Variants in INSL6 observed in about 807,000 individuals in gnomAD.
The protein encoded by INSL6 is insulin like 6.
A neutral mutation model predicts 9.4 loss-of-function variants in INSL6; 16 were observed. That is an observed-to-expected ratio of 1.70 (90% CI 1.15 to 2.59). The LOEUF is 2.59. INSL6 is among the 30% of genes most tolerant of loss of function. The pLI, the probability that INSL6 is intolerant of heterozygous loss-of-function variation, is 0.00. For missense variants in INSL6, 391 were observed against 257.3 expected (o/e 1.52, Z -3.56); for synonymous variants, 154 against 96.9 (o/e 1.59, Z -3.46).
chr9:5,130,880 C>T (rs1414942586), intron 3 of INSL6, among the ~76,000 whole-genome samples: 1 of 150,438 alleles, frequency 6.6e-6, no homozygotes, highest in African/African-American at 2.5e-5. Context: ...AGGCGCCTGC[C>T]ACTACACCCG....
the INSL6 span, among the ~76,000 whole-genome samples, chr9:4,993,072 C>T: frequency 6.6e-6 from 1 of 152,178 alleles, no homozygotes; most frequent in East Asian, 1.9e-4. Flanking sequence ...TATATAGCAA[C>T]TGTCCCTTTC....
downstream of INSL6, among the ~76,000 whole-genome samples, chr9:5,122,428 G>C (rs1163695736): frequency 6.6e-6 from 1 of 151,916 alleles, no homozygotes; most frequent in Non-Finnish European, 1.5e-5. Flanking sequence ...TTTTTCTCCA[G>C]CATATTTATA....
intron 2 of INSL6, among the ~76,000 whole-genome samples, chr9:5,148,952 C>G (rs1050554310): frequency 3.3e-5 from 5 of 152,186 alleles, no homozygotes; most frequent in Admixed American, 6.5e-5. Flanking sequence ...AACAGACATG[C>G]TGCAGGCCCT....
At chr9:5,024,446 A>T in the INSL6 span, among the ~76,000 whole-genome samples, 3 of 152,080 alleles carry the variant, frequency 2.0e-5, no homozygotes, top group Non-Finnish European at 4.4e-5. Flanking sequence ...GTGTTTACCC[A>T]GTCCATTTAC....
At chr9:5,043,321 A>G in the INSL6 span, among the ~76,000 whole-genome samples, 1 of 152,208 alleles carries the variant, frequency 6.6e-6, no homozygotes, top group Non-Finnish European at 1.5e-5. Flanking sequence ...TTAAAAAAAA[A>G]AAGGAAAAAT....
chr9:5,022,741 A>G, the INSL6 span, among the ~76,000 whole-genome samples: 1 of 152,186 alleles, frequency 6.6e-6, no homozygotes, highest in Non-Finnish European at 1.5e-5. Context: ...CAAAACTGTG[A>G]ACCAGAGAAC....
At chr9:5,113,075 C>A in the INSL6 span, among the ~76,000 whole-genome samples, 1 of 152,058 alleles carries the variant, frequency 6.6e-6, no homozygotes, top group Non-Finnish European at 1.5e-5. Flanking sequence ...GACCCCGGCT[C>A]ACCCCTCACT....
the INSL6 span, among the ~76,000 whole-genome samples, chr9:5,086,274 C>G: frequency 6.6e-6 from 1 of 152,136 alleles, no homozygotes; most frequent in African/African-American, 2.4e-5. Flanking sequence ...GGCCCGCGAT[C>G]CTCCTGCCAG....
At chr9:5,162,140 G>C (rs547280921), downstream of INSL6, among the ~76,000 whole-genome samples, 9 of 152,060 alleles carry the variant, frequency 5.9e-5, no homozygotes, top group African/African-American at 1.7e-4. Context: ...AAGATGTTAG[G>C]ATTAAAATCT....
chr9:4,999,436 T>C, the INSL6 span, among the ~76,000 whole-genome samples: 1 of 152,192 alleles, frequency 6.6e-6, no homozygotes, highest in African/African-American at 2.4e-5. Flanking sequence ...CATTTAAAAA[T>C]GACATTAGTC....
the INSL6 span, chr9:5,054,495 C>T: frequency 1.8e-5 from 25 of 1,356,010 alleles, no homozygotes; most frequent in Non-Finnish European, 2.5e-5. The surrounding 1 kb of genome is among the most constrained non-coding windows in gnomAD (Gnocchi z 4.9). Flanking sequence ...ACTTCTTTTT[C>T]AATTTTTAGA....
At chr9:5,000,791 T>G in the INSL6 span, among the ~76,000 whole-genome samples, 1 of 152,210 alleles carries the variant, frequency 6.6e-6, no homozygotes, top group East Asian at 1.9e-4. Context: ...GTATATGTAT[T>G]AAGTAAGAAC....
At chr9:5,095,869 T>A in the INSL6 span, among the ~76,000 whole-genome samples, 1 of 152,200 alleles carries the variant, frequency 6.6e-6, no homozygotes, top group Non-Finnish European at 1.5e-5. Context: ...AACTACCACA[T>A]TTCTAGCACT....
the INSL6 span, among the ~76,000 whole-genome samples, chr9:5,037,990 C>T: frequency 6.6e-6 from 1 of 152,060 alleles, no homozygotes; most frequent in African/African-American, 2.4e-5. Flanking sequence ...GAATATATAG[C>T]GTCACTAGTT....
chr9:5,029,368 T>C, the INSL6 span, among the ~76,000 whole-genome samples: 6 of 152,132 alleles, frequency 3.9e-5, no homozygotes, highest in African/African-American at 1.4e-4. Context: ...ATGTCAAAGA[T>C]CACTGATCAC....
chr9:5,092,436 C>G, the INSL6 span, among the ~76,000 whole-genome samples: 1 of 152,176 alleles, frequency 6.6e-6, no homozygotes, highest in South Asian at 2.1e-4. Flanking sequence ...AAGCATCCAG[C>G]TTACACCCGG....
At chr9:5,112,403 G>C in the INSL6 span, 2 of 460,038 alleles carry the variant, frequency 4.3e-6, no homozygotes, top group Middle Eastern at 7.5e-4. Flanking sequence ...GGGAGGAGGA[G>C]GATGAGGAGA....
At chr9:5,084,870 C>T in the INSL6 span, 6 of 387,540 alleles carry the variant, frequency 1.5e-5, no homozygotes, top group Non-Finnish European at 3.0e-5. Context: ...AACAAATTGC[C>T]CATCAATAAG....
chr9:5,171,263 A>G (rs1825174788), intron 1 of INSL6, among the ~76,000 whole-genome samples: 1 of 152,224 alleles, frequency 6.6e-6, no homozygotes, highest in Non-Finnish European at 1.5e-5. Flanking sequence ...TAGATGCAGA[A>G]AAGATCTTCC....
Sources: allele counts gnomAD v4.1 joint callset (sites outside exome capture counted in the v4.1 genomes callset), GRCh38; gene constraint gnomAD v4.1.1; non-coding constraint Gnocchi (gnomAD v3.1); transcripts MANE v1.5; gene names NCBI Gene and HGNC (gene_info 2026-07-23, HGNC 2026-07-21).